Variants in CFAP54 observed in about 807,000 individuals in gnomAD.
CFAP54 encodes the protein cilia- and flagella-associated protein 54.
Under a neutral mutation model 370.4 loss-of-function variants are expected in CFAP54, and 290 were observed. That is an observed-to-expected ratio of 0.78 (90% CI 0.71 to 0.86). CFAP54 has a LOEUF of 0.86. Ranked by LOEUF, CFAP54 falls within the 40% of genes least tolerant of loss-of-function variation. The probability of loss-of-function intolerance (pLI) is 0.00; values close to 1 mark genes in which losing one functional copy is unlikely to be tolerated. For missense variants in CFAP54, 3,399 were observed against 3,528.7 expected, an observed-to-expected ratio of 0.96 and a Z score of 0.93; for synonymous variants, 1,206 against 1,236.5, an observed-to-expected ratio of 0.98 and a Z score of 0.52.
At chr12:96,685,595 T>C (rs1383997546) in intron 42 of CFAP54, among the ~76,000 whole-genome samples, 2 of 151,970 alleles carry the variant, frequency 1.3e-5, no homozygotes, top group East Asian at 3.9e-4. Flanking sequence ...TCTGTTGCCC[T>C]GGCTGGAGTG....
intron 40 of CFAP54, among the ~76,000 whole-genome samples, chr12:96,680,053 G>A (rs1012221429): frequency 6.6e-6 from 1 of 152,072 alleles, no homozygotes; most frequent in Non-Finnish European, 1.5e-5. Context: ...GTTTTCTTTA[G>A]GTGTGGCACT....
At chr12:96,500,036 A>G (rs889476923) in intron 1 of CFAP54, among the ~76,000 whole-genome samples, 1 of 152,230 alleles carries the variant, frequency 6.6e-6, no homozygotes, top group African/African-American at 2.4e-5. Context: ...AATTGCCAAA[A>G]CTTGTAAGCA....
chr12:96,842,520 A>C (rs533942160), intron 66 of CFAP54, among the ~76,000 whole-genome samples: 1 of 152,226 alleles, frequency 6.6e-6, no homozygotes, highest in African/African-American at 2.4e-5. Flanking sequence ...GGAATTTTAT[A>C]GTATGTAACA....
chr12:96,664,773 A>C (rs1332557577), intron 39 of CFAP54, among the ~76,000 whole-genome samples: 2 of 20,304 alleles, frequency 9.9e-5, no homozygotes, highest in South Asian at 1.3e-3. Context: ...ATCTATATCT[A>C]TATCTATATA....
chr12:96,829,811 A>G (rs962844257), intron 66 of CFAP54, among the ~76,000 whole-genome samples: 2 of 152,086 alleles, frequency 1.3e-5, no homozygotes, highest in Non-Finnish European at 2.9e-5. Flanking sequence ...GCTGTCTATC[A>G]CTGTCCAGAA....
At chr12:96,493,907 A>G (rs1390224549) in intron 1 of CFAP54, among the ~76,000 whole-genome samples, 1 of 152,234 alleles carries the variant, frequency 6.6e-6, no homozygotes, top group Non-Finnish European at 1.5e-5. Flanking sequence ...AGAAGAGGTT[A>G]TGGAGTGGAA....
At chr12:96,657,637 G>C (rs570671186) in intron 36 of CFAP54, among the ~76,000 whole-genome samples, 1 of 152,252 alleles carries the variant, frequency 6.6e-6, no homozygotes, top group African/African-American at 2.4e-5. Flanking sequence ...GGTAGCTGCA[G>C]GTTTCTAGTG....
chr12:96,810,535 C>G (rs1177783916), intron 63 of CFAP54, among the ~76,000 whole-genome samples: 1 of 152,000 alleles, frequency 6.6e-6, no homozygotes, highest in Non-Finnish European at 1.5e-5. Context: ...AAAAAGCATA[C>G]AAATTTAGTA....
In CFAP54 at chr12:96,855,727, T is replaced by C. The variant is rs1592813586; in HGVS notation, c.9172-5092T>C. ...GGGTATAGCCCCCCTCTTGGGTGCT[T>C]TCATGGGCTGGTGTTGAGTGTCTGT... On this transcript the variant is annotated intron_variant, in intron 66 of 67. Transcript: ENST00000524981. Among the ~76,000 whole-genome samples, 4 of 152,182 alleles carry C rather than the reference T, an allele frequency of 2.6e-5. No homozygotes were observed. The East Asian group carries it at 7.7e-4, about 29-fold the overall frequency.
Position 96,594,450 on chromosome 12 carries a change from A to G in CFAP54, c.3516+4A>G. On this transcript the variant is annotated splice_donor_region_variant and intron_variant, in intron 25 of 67. Coordinates refer to ENST00000524981, the MANE Select transcript of CFAP54 (RefSeq NM_001306084.2). ...TGTTTTGGTACCTGTTGTACAGGTA[A>G]GGGTATTCCTCTCCCCAAGAGAAGG... 6.7e-7 allele frequency: 1 copy of G among 1,500,902 alleles called. No homozygotes were observed. Among genetic ancestry groups the G allele is most frequent in the South Asian group, 1.3e-5 (1 of 79,226 alleles). 93.0% of individuals were successfully genotyped at this position (1,500,902 alleles called of 1,614,324 possible).
intron 66 of CFAP54, among the ~76,000 whole-genome samples, chr12:96,842,636 C>T (rs909191292): frequency 6.6e-6 from 1 of 152,082 alleles, no homozygotes; most frequent in African/African-American, 2.4e-5. Flanking sequence ...TTTATTTTGG[C>T]AACAGAATTA....
intron 66 of CFAP54, among the ~76,000 whole-genome samples, chr12:96,841,592 G>C (rs552673069): frequency 6.6e-6 from 1 of 152,186 alleles, no homozygotes; most frequent in Non-Finnish European, 1.5e-5. Flanking sequence ...TTGGGCATTA[G>C]CCATTTGAGA....
At chr12:96,676,159 T>C (rs1175337740) in intron 39 of CFAP54, among the ~76,000 whole-genome samples, 1 of 152,188 alleles carries the variant, frequency 6.6e-6, no homozygotes, top group East Asian at 1.9e-4. Flanking sequence ...TGACAGGCTC[T>C]GTGCTAGACA....
intron 15 of CFAP54, among the ~76,000 whole-genome samples, chr12:96,551,599 G>T (rs963025183): frequency 1.3e-5 from 2 of 151,550 alleles, no homozygotes; most frequent in South Asian, 2.1e-4. Flanking sequence ...AATACATAAT[G>T]CAATACATTG....
Position 96,621,640 on chromosome 12 carries a change from T to C in CFAP54, c.3690T>C (p.Tyr1230=). ...EYDLAVMIIN[Y]GKKMLDITPG... ...ACCTGGCAGTAATGATTATAAATTA[T>C]GGGAAAAAAATGTTGGACATCACAC... The change falls in exon 27 of 68, where the codon TAT becomes TAC. Residue 1230 remains tyrosine (Y), a synonymous_variant. Transcript: ENST00000524981. 1 of 1,521,332 alleles carries C rather than the reference T, an allele frequency of 6.6e-7. No individual in the cohort carries two copies. The highest frequency in any genetic ancestry group is 8.8e-7 in the Non-Finnish European group (1 of 1,135,778). The allele number at this position is 1,521,332 out of a possible 1,614,324, so 94.2% of individuals were successfully genotyped here. A position where few individuals can be genotyped will look rare whatever the true frequency, so the allele number is the denominator to read the frequency against.
At chr12:96,606,075 G>A (rs529781234) in intron 26 of CFAP54, among the ~76,000 whole-genome samples, 13 of 152,140 alleles carry the variant, frequency 8.5e-5, no homozygotes, top group Admixed American at 6.5e-4. Context: ...ACAAACATAC[G>A]CATAAAATAC....
At chr12:96,541,163 C>T (rs1955564695) in intron 14 of CFAP54, among the ~76,000 whole-genome samples, 176 bp downstream of exon 14, 1 of 152,118 alleles carries the variant, frequency 6.6e-6, no homozygotes, top group Non-Finnish European at 1.5e-5. Flanking sequence ...GTTAAGGTTT[C>T]ATGCTCTCTG....
intron 45 of CFAP54, among the ~76,000 whole-genome samples, chr12:96,696,019 G>A (rs931085346): frequency 6.6e-6 from 1 of 152,066 alleles, no homozygotes; most frequent in Non-Finnish European, 1.5e-5. Context: ...TTCGAAAGAG[G>A]AAAAAATGGC....
At chr12:96,550,786 G>A (rs1955686043) in intron 15 of CFAP54, among the ~76,000 whole-genome samples, 1 of 152,120 alleles carries the variant, frequency 6.6e-6, no homozygotes. Flanking sequence ...AACTAGCATG[G>A]TAAGTTTATG....
Sources: allele counts gnomAD v4.1 joint callset (sites outside exome capture counted in the v4.1 genomes callset), GRCh38; gene constraint gnomAD v4.1.1; transcripts MANE v1.5; gene names NCBI Gene and HGNC (gene_info 2026-07-23, HGNC 2026-07-21).